Variants in RBFOX3 observed in about 807,000 individuals in gnomAD.
RBFOX3 encodes RNA binding protein fox-1 homolog 3.
RBFOX3 carries 17 observed loss-of-function variants against 48.7 expected under a neutral mutation model. The observed-to-expected ratio is 0.35, with a 90% CI of 0.24 to 0.52. The LOEUF is 0.52. Among genes scored for constraint, RBFOX3 ranks in the 20% least tolerant of loss-of-function variants. The pLI is 0.94. For missense variants in RBFOX3, 382 were observed against 497.5 expected, an observed-to-expected ratio of 0.77 and a Z score of 2.21; for synonymous variants, 212 against 209.5, an observed-to-expected ratio of 1.01 and a Z score of -0.10.
intron 4 of RBFOX3, among the ~76,000 whole-genome samples, chr17:79,208,940 C>A (rs2057949637): frequency 6.6e-6 from 1 of 152,162 alleles, no homozygotes; most frequent in Non-Finnish European, 1.5e-5. Context: ...CTCAGCCTCC[C>A]AAGTAGCTGG....
At chr17:79,285,770 G>A (rs772922351) in intron 3 of RBFOX3, among the ~76,000 whole-genome samples, 8 of 152,216 alleles carry the variant, frequency 5.3e-5, no homozygotes, top group Non-Finnish European at 8.8e-5. Flanking sequence ...TGCAACCTCC[G>A]CCTCCTGAGT....
At chr17:79,353,926 C>T (rs908015545) in intron 2 of RBFOX3, among the ~76,000 whole-genome samples, 2 of 152,206 alleles carry the variant, frequency 1.3e-5, no homozygotes, top group South Asian at 2.1e-4. Context: ...TGACCATCGA[C>T]CTCCAAGTCC....
At chr17:79,505,041 G>A (rs1050975042) in intron 1 of RBFOX3, among the ~76,000 whole-genome samples, 9 of 152,108 alleles carry the variant, frequency 5.9e-5, no homozygotes, top group East Asian at 1.9e-4. Context: ...CCCACTGGCC[G>A]GCCAGCTGCT....
At chr17:79,097,865 C>T in intron 9 of RBFOX3, 120 bp from the exon 10 acceptor site, 2 of 1,064,998 alleles carry the variant, frequency 1.9e-6, no homozygotes, top group Non-Finnish European at 2.8e-6. Flanking sequence ...AGGGCGCCTC[C>T]CCGCGCCGGG....
At chr17:79,128,470 G>A (rs1479404126) in intron 4 of RBFOX3, among the ~76,000 whole-genome samples, 1 of 152,166 alleles carries the variant, frequency 6.6e-6, no homozygotes, top group Non-Finnish European at 1.5e-5. Flanking sequence ...GAGGGCCCGT[G>A]CAGCCACAGC....
chr17:79,312,712 C>T (rs1481720251), intron 2 of RBFOX3, among the ~76,000 whole-genome samples: 1 of 152,208 alleles, frequency 6.6e-6, no homozygotes, highest in Non-Finnish European at 1.5e-5. Flanking sequence ...CATAAAAAGA[C>T]CTCAGGGGTC....
intron 2 of RBFOX3, among the ~76,000 whole-genome samples, chr17:79,469,334 C>G (rs2076770866): frequency 1.3e-5 from 2 of 152,214 alleles, no homozygotes; most frequent in African/African-American, 4.8e-5. Context: ...CTCCCTGCAG[C>G]AGCACTGGGG....
chr17:79,423,108 C>T lies in RBFOX3; in HGVS notation c.-175+59346G>A, dbSNP rs556085781. Reference sequence around the variant, plus strand: ...TTCTGCCTCCAGCCCCAGTCTCCTTCCAGACTCCAGACTCTTGGGTCCAGT... The same window carrying T: ...TTCTGCCTCCAGCCCCAGTCTCCTTTCAGACTCCAGACTCTTGGGTCCAGT... On this transcript the variant is annotated intron_variant, in intron 2 of 14. Coordinates refer to ENST00000693108, the MANE Select transcript of RBFOX3 (RefSeq NM_001350451.2). The surrounding 1 kb of genome is among the most constrained non-coding windows in gnomAD (Gnocchi z 4.9). Among the ~76,000 whole-genome samples, 1 of 152,322 alleles carries T rather than the reference C, an allele frequency of 6.6e-6. No homozygotes were observed. Among genetic ancestry groups the T allele is most frequent in the African/African-American group, 2.4e-5 (1 of 41,570 alleles).
intron 2 of RBFOX3, among the ~76,000 whole-genome samples, chr17:79,356,369 T>TGTTTTTG (rs764787140): frequency 8.0e-6 from 1 of 124,372 alleles, no homozygotes. Context: ...TTTTTTTTTT[T>TGTTTTTG]TTTTTTTTTT....
At chr17:79,245,335 A>T (rs1412675429) in intron 3 of RBFOX3, among the ~76,000 whole-genome samples, 1 of 152,036 alleles carries the variant, frequency 6.6e-6, no homozygotes, top group Non-Finnish European at 1.5e-5. Flanking sequence ...GGCCTCACAC[A>T]ATTGGACCCC....
intron 2 of RBFOX3, among the ~76,000 whole-genome samples, chr17:79,358,889 G>A (rs1309393343): frequency 5.3e-5 from 8 of 152,262 alleles, no homozygotes; most frequent in East Asian, 1.9e-4. Context: ...CCAATTGCTC[G>A]AGAGCCACTT....
At chr17:79,261,052 G>C (rs548560259) in intron 3 of RBFOX3, among the ~76,000 whole-genome samples, 5 of 151,880 alleles carry the variant, frequency 3.3e-5, no homozygotes, top group Non-Finnish European at 5.9e-5. Context: ...GCTTGCCTTC[G>C]ATCTTTGCCC....
intron 2 of RBFOX3, among the ~76,000 whole-genome samples, chr17:79,374,608 C>T (rs962619202): frequency 3.9e-5 from 6 of 152,330 alleles, no homozygotes; most frequent in East Asian, 1.9e-4. Flanking sequence ...GTACACGCAG[C>T]GAGGTTGGCA....
chr17:79,612,948 G>A (rs1053594383), upstream of RBFOX3, among the ~76,000 whole-genome samples: 2 of 152,152 alleles, frequency 1.3e-5, no homozygotes, highest in Non-Finnish European at 1.5e-5. Context: ...TTTCCTCTCT[G>A]GTCCAGACCC....
At chr17:79,145,719 T>C (rs1183866272) in intron 4 of RBFOX3, among the ~76,000 whole-genome samples, 2 of 152,196 alleles carry the variant, frequency 1.3e-5, no homozygotes, top group Non-Finnish European at 2.9e-5. Context: ...TTCGGCAAAG[T>C]GAGTGCATAG....
chr17:79,543,455 G>T (rs1407838162), intron 1 of RBFOX3, among the ~76,000 whole-genome samples: 1 of 151,974 alleles, frequency 6.6e-6, no homozygotes, highest in Non-Finnish European at 1.5e-5. Flanking sequence ...CTGACAAGCA[G>T]GACCCCCTTG....
At chr17:79,343,482 A>C (rs1186596218) in intron 2 of RBFOX3, among the ~76,000 whole-genome samples, 1 of 152,126 alleles carries the variant, frequency 6.6e-6, no homozygotes, top group Admixed American at 6.6e-5. Flanking sequence ...GCACCACTGC[A>C]CTCCAGCCTG....
At position 79,481,719 on chromosome 17, in the gene RBFOX3, C is replaced by T. The variant is rs1412960568; in HGVS notation, c.-175+735G>A. On this transcript the variant is annotated intron_variant, in intron 2 of 14. Transcript: ENST00000693108. This position sits in a 1 kb window ranked among gnomAD's most constrained non-coding sequence, Gnocchi z 5.4. ...CCATGGGGAATGGGTGTGGATGCTC[C>T]GAACTCAACCTGTGTGTATCATACG... Among the ~76,000 whole-genome samples the T allele has an allele frequency of 6.6e-5, 10 of 152,032 alleles. No homozygotes were observed. Among genetic ancestry groups the T allele is most frequent in the South Asian group, 2.1e-4 (1 of 4,808 alleles).
chr17:79,320,731 G>T (rs1220812108), intron 2 of RBFOX3, among the ~76,000 whole-genome samples: 1 of 150,590 alleles, frequency 6.6e-6, no homozygotes, highest in African/African-American at 2.4e-5. Context: ...CTCAACGCAG[G>T]AGCCCTGCCC....
Sources: allele counts gnomAD v4.1 joint callset (sites outside exome capture counted in the v4.1 genomes callset), GRCh38; gene constraint gnomAD v4.1.1; non-coding constraint Gnocchi (gnomAD v3.1); transcripts MANE v1.5; gene names NCBI Gene and HGNC (gene_info 2026-07-23, HGNC 2026-07-21).